MYO1E: variants seen among roughly 807,000 people sequenced by gnomAD.
MYO1E encodes unconventional myosin-Ie.
A neutral mutation model predicts 151.1 loss-of-function variants in MYO1E; 68 were observed. That is an observed-to-expected ratio of 0.45 (90% CI 0.37 to 0.55). The LOEUF is 0.55. Among genes scored for constraint, MYO1E ranks in the 20% least tolerant of loss-of-function variants. MYO1E has a pLI of 0.00. For synonymous variants in MYO1E, 601 were observed against 501.7 expected, an observed-to-expected ratio of 1.20 and a Z score of -2.64; for missense variants, 1,363 against 1,389.3, an observed-to-expected ratio of 0.98 and a Z score of 0.30.
At chr15:59,151,932 G>A (rs1596343228) in intron 26 of MYO1E, among the ~76,000 whole-genome samples, 1 of 151,178 alleles carries the variant, frequency 6.6e-6, no homozygotes, top group Non-Finnish European at 1.5e-5. Flanking sequence ...GCCGGGCATG[G>A]TGGCAGGCGC....
chr15:59,160,254 T>C (rs1307092199), intron 24 of MYO1E, among the ~76,000 whole-genome samples: 1 of 151,958 alleles, frequency 6.6e-6, no homozygotes, highest in Non-Finnish European at 1.5e-5. Flanking sequence ...TGCTGTGTGC[T>C]ATAGATATAA....
At chr15:59,199,226 A>G (rs1289196993) in intron 16 of MYO1E, among the ~76,000 whole-genome samples, 1 of 152,044 alleles carries the variant, frequency 6.6e-6, no homozygotes, top group Non-Finnish European at 1.5e-5. Flanking sequence ...CCTCCTGAGT[A>G]GCTGGCATTA....
At chr15:59,338,338 T>C (rs1162181309) in intron 1 of MYO1E, among the ~76,000 whole-genome samples, 2 of 147,410 alleles carry the variant, frequency 1.4e-5, no homozygotes, top group Non-Finnish European at 3.0e-5. Context: ...CCACAGCACA[T>C]AGTACGTTCC....
intron 1 of MYO1E, among the ~76,000 whole-genome samples, chr15:59,370,585 C>T (rs2080938956): frequency 6.6e-6 from 1 of 152,168 alleles, no homozygotes; most frequent in Non-Finnish European, 1.5e-5. Flanking sequence ...ATAGGGAAGT[C>T]ACACACTGTC....
At chr15:59,300,866 C>CTTTTTTTT (rs58955743) in intron 1 of MYO1E, among the ~76,000 whole-genome samples, 15 of 127,114 alleles carry the variant, frequency 1.2e-4, no homozygotes, top group Non-Finnish European at 2.3e-4. Context: ...CCTTTTTTTT[C>CTTTTTTTT]TTTTTTTTTT....
chr15:59,216,590 G>GTATCTATC (rs1309666735), intron 10 of MYO1E, among the ~76,000 whole-genome samples: 14 of 61,252 alleles, frequency 2.3e-4, no homozygotes, highest in African/African-American at 7.2e-4. Context: ...GTGTGTGTGT[G>GTATCTATC]TGTGTATCTA....
chr15:59,359,026 T>G (rs1031930154), intron 1 of MYO1E, among the ~76,000 whole-genome samples: 4 of 151,976 alleles, frequency 2.6e-5, no homozygotes, highest in Non-Finnish European at 5.9e-5. Context: ...AGGAAAAAAT[T>G]CACTTAAGAA....
At chr15:59,320,089 T>C (rs1443004198) in intron 1 of MYO1E, among the ~76,000 whole-genome samples, 1 of 151,972 alleles carries the variant, frequency 6.6e-6, no homozygotes, top group Admixed American at 6.6e-5. Context: ...GCAAAAAAAC[T>C]AAAATACTTA....
chr15:59,137,505 G>T, intron 27 of MYO1E, 49 bp from the exon 28 acceptor site: 2 of 1,495,630 alleles, frequency 1.3e-6, no homozygotes, highest in East Asian at 2.3e-5. Context: ...AGTCTGTTCT[G>T]CCCCAGCCAC....
intron 18 of MYO1E, among the ~76,000 whole-genome samples, chr15:59,183,579 T>G (rs1367099910): frequency 6.6e-6 from 1 of 152,112 alleles, no homozygotes; most frequent in Non-Finnish European, 1.5e-5. Flanking sequence ...TCTTTTTTAC[T>G]TTTTGCATGA....
intron 1 of MYO1E, among the ~76,000 whole-genome samples, chr15:59,356,398 C>T (rs2080852707): frequency 6.6e-6 from 1 of 152,178 alleles, no homozygotes; most frequent in Admixed American, 6.5e-5. Flanking sequence ...TTCACCTATT[C>T]ATTCACTCCT....
At chr15:59,324,434 T>A (rs1228162551) in intron 1 of MYO1E, among the ~76,000 whole-genome samples, 1 of 152,092 alleles carries the variant, frequency 6.6e-6, no homozygotes, top group Admixed American at 6.5e-5. Context: ...TGCTTCTGGG[T>A]CTGGGTTTTA....
intron 22 of MYO1E, among the ~76,000 whole-genome samples, chr15:59,170,459 G>A (rs911701816): frequency 2.0e-5 from 3 of 152,114 alleles, no homozygotes; most frequent in South Asian, 2.1e-4. Flanking sequence ...GGGTTTCCAC[G>A]GCAGCCTCAG....
chr15:59,217,959 G>T lies in MYO1E; in HGVS notation c.1039C>A (p.Gln347Lys). 1 of 1,614,226 alleles carries T rather than the reference G, an allele frequency of 6.2e-7. No individual in the cohort carries two copies. The highest frequency in any genetic ancestry group is 8.5e-7 in the Non-Finnish European group (1 of 1,180,046). Residue 347 changes from glutamine to lysine, a missense_variant, in exon 10 of 28, where the codon CAG becomes AAG. Physicochemically the swap from Gln to Lys is moderately conservative, Grantham distance 53 (BLOSUM62 1). Transcript: ENST00000288235. ...ESIHVTLNVE[Q>K]ACYTRDALAK... is the part of the protein sequence containing the mutation. ...AGCGCATCCCGGGTGTAACAGGCCT[G>T]CTCTACGTTGAGGGTCACGTGGATG... is the stretch of plus-strand genomic sequence containing the variant.
Position 59,236,692 on chromosome 15 carries a change from G to A in MYO1E, c.333-20C>T. 1 of 1,587,374 alleles carries A rather than the reference G, an allele frequency of 6.3e-7. No homozygotes were observed. Among genetic ancestry groups the A allele is most frequent in the Non-Finnish European group, 8.7e-7 (1 of 1,155,970 alleles). ...TCACCACTAAAGAAAGACAGACAAA[G>A]AATCCACCTGAGAAGTGGATTGCGA... On this transcript the variant is annotated intron_variant, in intron 4 of 27. Coordinates refer to ENST00000288235, the MANE Select transcript of MYO1E (RefSeq NM_004998.4).
At chr15:59,361,031 C>A (rs181347464) in intron 1 of MYO1E, among the ~76,000 whole-genome samples, 1 of 152,272 alleles carries the variant, frequency 6.6e-6, no homozygotes, top group Admixed American at 6.5e-5. Context: ...GAGCTTGTAC[C>A]CTTGCTTTTC....
At chr15:59,364,011 C>G (rs2080899580) in intron 1 of MYO1E, among the ~76,000 whole-genome samples, 1 of 152,130 alleles carries the variant, frequency 6.6e-6, no homozygotes, top group African/African-American at 2.4e-5. Context: ...CTCCTGACCT[C>G]AAGTGATCTG....
chr15:59,176,143 C>G (rs2079623546), intron 19 of MYO1E, among the ~76,000 whole-genome samples: 1 of 152,020 alleles, frequency 6.6e-6, no homozygotes, highest in Non-Finnish European at 1.5e-5. Context: ...ACTGCAAGCT[C>G]TGCCTCCTGG....
chr15:59,363,864 C>T (rs1396221085), intron 1 of MYO1E, among the ~76,000 whole-genome samples: 1 of 152,126 alleles, frequency 6.6e-6, no homozygotes, highest in Non-Finnish European at 1.5e-5. Flanking sequence ...CAACCTCTGC[C>T]TCCCATTTCA....
Sources: gnomAD v4.1 joint callset for allele counts (sites outside exome capture counted in the v4.1 genomes callset) on GRCh38, gnomAD v4.1.1 for gene constraint, MANE v1.5 for transcripts, NCBI Gene and HGNC (gene_info 2026-07-23, HGNC 2026-07-21) for gene names.